CTNNA3: variants seen among roughly 807,000 people sequenced by gnomAD.
CTNNA3 encodes the protein catenin alpha 3, also known as catenin alpha-3.
Under a neutral mutation model 95.7 loss-of-function variants are expected in CTNNA3, and 76 were observed. That is an observed-to-expected ratio of 0.79 (90% CI 0.66 to 0.96). The LOEUF (loss-of-function observed/expected upper bound fraction) is 0.96. Among genes scored for constraint, CTNNA3 ranks in the 40% least tolerant of loss-of-function variants. The pLI is 0.00. For synonymous variants in CTNNA3, 431 were observed against 374.4 expected, an observed-to-expected ratio of 1.15 and a Z score of -1.74; for missense variants, 1,191 against 1,089.8, an observed-to-expected ratio of 1.09 and a Z score of -1.31.
At chr10:66,828,610 G>A (rs1468458908) in intron 7 of CTNNA3, among the ~76,000 whole-genome samples, 4 of 152,160 alleles carry the variant, frequency 2.6e-5, no homozygotes, top group Admixed American at 6.5e-5. Flanking sequence ...TATATCTAAT[G>A]ATGAATATCA....
At chr10:66,791,373 T>A (rs556656967) in intron 7 of CTNNA3, among the ~76,000 whole-genome samples, 1 of 152,194 alleles carries the variant, frequency 6.6e-6, no homozygotes, top group Admixed American at 6.5e-5. Context: ...TAGTTAAACA[T>A]GTCATTCCCT....
At chr10:66,532,867 T>C (rs1237801189) in intron 10 of CTNNA3, among the ~76,000 whole-genome samples, 1 of 152,158 alleles carries the variant, frequency 6.6e-6, no homozygotes, top group Non-Finnish European at 1.5e-5. Context: ...TCTCTCATTG[T>C]TCATGCTCTT....
intron 7 of CTNNA3, among the ~76,000 whole-genome samples, chr10:66,876,834 G>T (rs1844642318): frequency 6.6e-6 from 1 of 151,968 alleles, no homozygotes; most frequent in Non-Finnish European, 1.5e-5. Flanking sequence ...CAGATAAGGA[G>T]GAAAAAGGTA....
intron 10 of CTNNA3, among the ~76,000 whole-genome samples, chr10:66,590,074 T>C (rs1390189303): frequency 6.6e-6 from 1 of 152,136 alleles, no homozygotes; most frequent in Admixed American, 6.5e-5. Context: ...AACTGCTAAT[T>C]CAATGGTATT....
intron 11 of CTNNA3, among the ~76,000 whole-genome samples, chr10:66,438,324 T>C (rs748431343): frequency 2.6e-5 from 4 of 152,188 alleles, no homozygotes; most frequent in Non-Finnish European, 5.9e-5. Context: ...AGGTGCTCTG[T>C]CCCAGGGAGT....
intron 5 of CTNNA3, among the ~76,000 whole-genome samples, chr10:67,415,359 C>T (rs772830045): frequency 7.6e-4 from 115 of 152,254 alleles, no homozygotes; most frequent in Admixed American, 1.7e-3. Context: ...CCAGCAACAT[C>T]CAGGCTGAGA....
In CTNNA3 at chr10:66,379,281, G is replaced by T. The variant is rs41274090; in HGVS notation, c.1603C>A (p.Arg535Ser). The change falls in exon 12 of 18, where the codon CGT becomes AGT. Residue 535 changes from arginine (R) to serine (S), a missense_variant. Transcript: ENST00000433211. ...CGGCCTCTGATAGCACCCGCAGCAC[G>T]GTCTAAATTATCAGCATCCTGGTCT... ...LRDQDADNLD[R>S]AAGAIRGRAA... 1.9e-6 allele frequency: 3 copies of T among 1,614,066 alleles called. No homozygotes were observed. Among genetic ancestry groups the T allele is most frequent in the African/African-American group, 1.3e-5 (1 of 75,046 alleles).
At chr10:67,474,656 C>T (rs1241766248) in intron 5 of CTNNA3, among the ~76,000 whole-genome samples, 2 of 152,030 alleles carry the variant, frequency 1.3e-5, no homozygotes, top group Non-Finnish European at 2.9e-5. Flanking sequence ...AGCAAATAAG[C>T]ACATGAAAAG....
At chr10:66,824,076 A>G (rs1465940946) in intron 7 of CTNNA3, among the ~76,000 whole-genome samples, 1 of 151,338 alleles carries the variant, frequency 6.6e-6, no homozygotes, top group African/African-American at 2.4e-5. Flanking sequence ...AGTGGGCCAG[A>G]GTCCATTTCT....
chr10:67,658,711 C>A (rs1407563820), intron 1 of CTNNA3, among the ~76,000 whole-genome samples: 1 of 152,150 alleles, frequency 6.6e-6, no homozygotes, highest in African/African-American at 2.4e-5. Context: ...AGGTATGCCC[C>A]AGGGTTAGGG....
chr10:66,929,608 C>T (rs781152308), intron 7 of CTNNA3, among the ~76,000 whole-genome samples: 7 of 152,152 alleles, frequency 4.6e-5, no homozygotes, highest in South Asian at 2.1e-4. Flanking sequence ...ATGTATAAAA[C>T]GAATCTTAGA....
At chr10:66,382,060 T>A (rs1198161712) in intron 11 of CTNNA3, among the ~76,000 whole-genome samples, 3 of 152,052 alleles carry the variant, frequency 2.0e-5, no homozygotes, top group Non-Finnish European at 4.4e-5. Context: ...AAGTACCTGG[T>A]TCATCTCACT....
At chr10:66,011,589 CA>C (rs893168543) in intron 15 of CTNNA3, among the ~76,000 whole-genome samples, 8 of 151,256 alleles carry the variant, frequency 5.3e-5, no homozygotes, top group African/African-American at 1.7e-4. Context: ...GCCCCAATTA[CA>C]AAAAAAAATT....
intron 12 of CTNNA3, among the ~76,000 whole-genome samples, chr10:66,299,377 G>T (rs1457404578): frequency 2.6e-5 from 4 of 152,064 alleles, no homozygotes; most frequent in South Asian, 2.1e-4. Context: ...TTGTACCATG[G>T]GGGTAGAAGA....
intron 7 of CTNNA3, among the ~76,000 whole-genome samples, chr10:67,156,086 T>C (rs891196118): frequency 1.3e-5 from 2 of 152,172 alleles, no homozygotes; most frequent in African/African-American, 4.8e-5. Flanking sequence ...AGTGTAGAAT[T>C]GTTCACAGTA....
intron 13 of CTNNA3, among the ~76,000 whole-genome samples, chr10:66,107,615 A>G (rs959945450): frequency 2.6e-5 from 4 of 152,140 alleles, no homozygotes; most frequent in African/African-American, 9.7e-5. Context: ...CAGGGTCACA[A>G]TACATTTCAT....
At chr10:66,499,806 CT>C (rs34040723) in intron 11 of CTNNA3, among the ~76,000 whole-genome samples, 264 of 140,600 alleles carry the variant, frequency 1.9e-3, no homozygotes, top group East Asian at 8.2e-3. Flanking sequence ...GTTGCATTTC[CT>C]TTTTTTTTTT....
intron 9 of CTNNA3, among the ~76,000 whole-genome samples, chr10:66,743,974 CAAAAAAAAA>C (rs536825430): frequency 2.2e-5 from 1 of 45,056 alleles, no homozygotes; most frequent in Non-Finnish European, 4.3e-5. Context: ...GATTCCATCT[CAAAAAAAAA>C]AAAAAAAAAA....
intron 9 of CTNNA3, among the ~76,000 whole-genome samples, chr10:66,694,905 T>A (rs1180694177): frequency 4.6e-5 from 7 of 152,204 alleles, no homozygotes; most frequent in Non-Finnish European, 8.8e-5. Context: ...GAAATTATAC[T>A]AAATTTCTTT....
Sources: gnomAD v4.1 joint callset for allele counts (sites outside exome capture counted in the v4.1 genomes callset) on GRCh38, gnomAD v4.1.1 for gene constraint, MANE v1.5 for transcripts, NCBI Gene and HGNC (gene_info 2026-07-23, HGNC 2026-07-21) for gene names.